PAPPA2: variants seen among roughly 807,000 people sequenced by gnomAD.
The protein encoded by PAPPA2 is pappalysin-2.
In PAPPA2, 86 loss-of-function variants were observed where a neutral mutation model predicts 176.4. The observed-to-expected ratio is 0.49, with a 90% CI of 0.41 to 0.58. PAPPA2 has a LOEUF of 0.58. Ranked by LOEUF, PAPPA2 falls within the 20% of genes least tolerant of loss-of-function variation. The probability of loss-of-function intolerance (pLI) is 0.00; values close to 1 mark genes in which losing one functional copy is unlikely to be tolerated. For missense variants in PAPPA2, 2,073 were observed against 2,256.9 expected (o/e 0.92, Z 1.65); for synonymous variants, 809 against 852.2 (o/e 0.95, Z 0.88).
intron 12 of PAPPA2, among the ~76,000 whole-genome samples, chr1:176,719,071 T>C (rs1249850222): frequency 6.6e-5 from 10 of 152,134 alleles, no homozygotes; most frequent in Non-Finnish European, 1.2e-4. Flanking sequence ...TTTGAGACAT[T>C]TAGAGGCTAT....
rs146836253 is a variant in PAPPA2, at chr1:176,767,362, C to T, written c.4323+1525C>T. On this transcript the variant is annotated intron_variant, in intron 15 of 22. Coordinates refer to ENST00000367662, the MANE Select transcript of PAPPA2 (RefSeq NM_020318.3). ...TGAGAGGCATTCTTTTTTTTTGAGA[C>T]GGAGTCTCGCTCTGTCGCCCAGGCT... Among the ~76,000 whole-genome samples, 1,260 of 152,074 alleles carry T rather than the reference C, an allele frequency of 8.3e-3. 13 individuals are homozygous for T. Among genetic ancestry groups the T allele is most frequent in the Non-Finnish European group, 0.012 (792 of 67,974 alleles).
intron 1 of PAPPA2, among the ~76,000 whole-genome samples, chr1:176,497,737 C>T (rs1647710140): frequency 6.6e-6 from 1 of 152,178 alleles, no homozygotes; most frequent in Non-Finnish European, 1.5e-5. Context: ...TTCTCCAGGT[C>T]TCAACAGTCC....
At chr1:176,816,255 ATG>A (rs1557889501) in intron 21 of PAPPA2, among the ~76,000 whole-genome samples, 2 of 139,196 alleles carry the variant, frequency 1.4e-5, no homozygotes, top group Admixed American at 7.3e-5. Context: ...ATATATATAT[ATG>A]TATGTATGTA....
chr1:176,764,031 G>A (rs973342598), intron 14 of PAPPA2, among the ~76,000 whole-genome samples: 1 of 152,154 alleles, frequency 6.6e-6, no homozygotes, highest in African/African-American at 2.4e-5. Context: ...ATGCAAAGGT[G>A]CAAAACTTGA....
At chr1:176,807,253 G>A (rs1665944334) in intron 21 of PAPPA2, among the ~76,000 whole-genome samples, 1 of 152,148 alleles carries the variant, frequency 6.6e-6, no homozygotes, top group South Asian at 2.1e-4. Context: ...AACAGTGACA[G>A]GCAATACAAG....
chr1:176,549,833 A>G (rs1650838058), intron 1 of PAPPA2, among the ~76,000 whole-genome samples: 1 of 152,228 alleles, frequency 6.6e-6, no homozygotes, highest in African/African-American at 2.4e-5. Flanking sequence ...CCCTGGCTCT[A>G]TCTGCCCACC....
At chr1:176,476,725 T>C (rs1376690316) in intron 1 of PAPPA2, among the ~76,000 whole-genome samples, 1 of 152,260 alleles carries the variant, frequency 6.6e-6, no homozygotes, top group African/African-American at 2.4e-5. Context: ...GATGATTTTA[T>C]CAGCATCATT....
intron 8 of PAPPA2, 26 bp downstream of exon 8, chr1:176,699,615 G>A (rs773968306): frequency 1.5e-5 from 23 of 1,568,752 alleles, no homozygotes; most frequent in Non-Finnish European, 2.0e-5. Context: ...TGACTATGGG[G>A]CTTCCTGAGG....
rs560206840 is a variant in PAPPA2, at chr1:176,525,129, TG to T, written c.-916-30277del. ...AGCTGTGGCTGTAGGTTTTCTTTCT[TG>T]AAATATAGGAACTATCTCTTACTTA... is the stretch of plus-strand genomic sequence containing the variant. On this transcript the variant is annotated intron_variant, in intron 1 of 22. Coordinates refer to ENST00000367662, the MANE Select transcript of PAPPA2 (RefSeq NM_020318.3). Among the ~76,000 whole-genome samples, 40 of 152,330 alleles carry T rather than the reference TG, an allele frequency of 2.6e-4. 1 individual carries two copies. In the East Asian group the frequency reaches 7.7e-3, roughly 29 times the overall value.
intron 3 of PAPPA2, among the ~76,000 whole-genome samples, chr1:176,665,079 G>A (rs1658564593): frequency 6.6e-6 from 1 of 152,120 alleles, no homozygotes; most frequent in African/African-American, 2.4e-5. Flanking sequence ...TTCAGAGAGG[G>A]ACCAGGGAGG....
At chr1:176,580,809 C>A (rs1012724699) in intron 2 of PAPPA2, among the ~76,000 whole-genome samples, 3 of 152,084 alleles carry the variant, frequency 2.0e-5, no homozygotes, top group Non-Finnish European at 2.9e-5. Context: ...GATCATTGCT[C>A]ATTTTTTCAT....
intron 15 of PAPPA2, among the ~76,000 whole-genome samples, chr1:176,766,733 A>G (rs1663985753): frequency 6.6e-6 from 1 of 152,216 alleles, no homozygotes; most frequent in Admixed American, 6.5e-5. Context: ...TTCCCCACAG[A>G]GAAATTTTAA....
chr1:176,809,150 G>A (rs1666035050), intron 21 of PAPPA2, among the ~76,000 whole-genome samples: 1 of 152,122 alleles, frequency 6.6e-6, no homozygotes, highest in Non-Finnish European at 1.5e-5. Flanking sequence ...ACTGCTTATA[G>A]TTTGGTACTC....
intron 17 of PAPPA2, among the ~76,000 whole-genome samples, chr1:176,784,917 G>A (rs945412672): frequency 6.6e-6 from 1 of 152,094 alleles, no homozygotes; most frequent in African/African-American, 2.4e-5. Flanking sequence ...GTCCTCACAT[G>A]GCAGAGCACA....
rs764441386 is a variant in PAPPA2, at chr1:176,771,165, A to C, written c.4700A>C (p.Glu1567Ala). Residue 1567 changes from glutamate (E) to alanine (A), a missense_variant, in exon 17 of 23, where the codon GAG (glutamate) becomes GCG (alanine). Physicochemically the swap from Glu to Ala is moderately radical, Grantham distance 107. Transcript: ENST00000367662. ...GGGTACTATGTGGCAGAAAGTGCAG[A>C]GGGTAAAGTCAGGAAGTAAGTTGAA... ...KPGYYVAESAEGKVRNKLLKI... is the reference protein window; with the variant it reads ...KPGYYVAESAAGKVRNKLLKI... 3.1e-6 allele frequency: 5 copies of C among 1,614,156 alleles called. No homozygotes were observed. The South Asian group carries it at 5.5e-5, about 18-fold the overall frequency.
In PAPPA2 at chr1:176,578,357, C is replaced by T. The variant is rs541763433; in HGVS notation, c.920-16167C>T. 6.6e-5 allele frequency among the ~76,000 whole-genome samples: 10 copies of T among 152,248 alleles called. No individual in the cohort carries two copies. The South Asian group carries it at 1.5e-3, about 22-fold the overall frequency. On this transcript the variant is annotated intron_variant, in intron 2 of 22. Transcript: ENST00000367662. ...CCACATGTAGTTGCAGAGCAAGGGGCGTGCTCGGTCCCCTTGGATCATTCT... is the reference window on the plus strand; with the variant it reads ...CCACATGTAGTTGCAGAGCAAGGGGTGTGCTCGGTCCCCTTGGATCATTCT...
chr1:176,690,194 T>G lies in PAPPA2; in HGVS notation c.2195T>G (p.Ile732Ser), dbSNP rs1660043735. The stretch of plus-strand genomic sequence containing the variant: ...ATGCCTGGCCACACCGACACCATGA[T>G]CCATGAAGTGGGACATGTTCTGGGA... The part of the protein sequence containing the change: ...YGMPGHTDTM[I>S]HEVGHVLGLY... The change falls in exon 5 of 23, where the codon ATC (isoleucine) becomes AGC (serine). Residue 732 changes from isoleucine to serine, a missense_variant. By Grantham distance (142) the Ile-to-Ser change is moderately radical (BLOSUM62 -2). This residue lies in a region of PAPPA2 where 1,196 missense variants were observed against 1,330.4 expected (regional missense o/e 0.90). Coordinates refer to ENST00000367662, the MANE Select transcript of PAPPA2 (RefSeq NM_020318.3). 6.2e-7 allele frequency: 1 copy of G among 1,613,944 alleles called. No individual in the cohort carries two copies. Among genetic ancestry groups the G allele is most frequent in the South Asian group, 1.1e-5 (1 of 91,072 alleles).
intron 4 of PAPPA2, among the ~76,000 whole-genome samples, chr1:176,671,499 C>T (rs1658996149): frequency 6.6e-6 from 1 of 152,098 alleles, no homozygotes; most frequent in Non-Finnish European, 1.5e-5. Flanking sequence ...GACTGATGGG[C>T]TTCTTGTATG....
intron 1 of PAPPA2, among the ~76,000 whole-genome samples, chr1:176,499,300 A>G (rs994269830): frequency 2.0e-5 from 3 of 152,226 alleles, no homozygotes; most frequent in Non-Finnish European, 2.9e-5. Context: ...GTAATGGTTC[A>G]ATTAAACTGA....
Sources: allele counts gnomAD v4.1 joint callset (sites outside exome capture counted in the v4.1 genomes callset), GRCh38; gene constraint gnomAD v4.1.1; regional missense constraint gnomAD v4.1.1; transcripts MANE v1.5; gene names NCBI Gene and HGNC (gene_info 2026-07-23, HGNC 2026-07-21).